CSGALNACT1: variants seen among roughly 807,000 people sequenced by gnomAD.
CSGALNACT1 encodes the protein beta4GalNAcT-1.
Under a neutral mutation model 51.0 loss-of-function variants are expected in CSGALNACT1, and 52 were observed. The observed-to-expected ratio is 1.02, with a 90% CI of 0.82 to 1.29. The LOEUF is 1.29. CSGALNACT1 is among the 50% of genes most tolerant of loss of function. CSGALNACT1 has a pLI of 0.00. For synonymous variants in CSGALNACT1, 341 were observed against 254.4 expected (o/e 1.34, Z -3.24); for missense variants, 935 against 679.2 (o/e 1.38, Z -4.19).
intron 2 of CSGALNACT1, among the ~76,000 whole-genome samples, chr8:19,600,811 G>C (rs2050245064): frequency 6.7e-6 from 1 of 149,510 alleles, no homozygotes; most frequent in African/African-American, 2.5e-5. Flanking sequence ...TATCTTAATA[G>C]TGTGACAAAA....
intron 1 of CSGALNACT1, among the ~76,000 whole-genome samples, chr8:19,726,351 G>C (rs13264159): frequency 0.15 from 23,352 of 151,988 alleles, 2,026 homozygotes; most frequent in Middle Eastern, 0.29. Context: ...GATAAATACA[G>C]AACATTCATA....
chr8:19,407,646 G>A (rs1350751110), intron 9 of CSGALNACT1, among the ~76,000 whole-genome samples: 5 of 152,116 alleles, frequency 3.3e-5, no homozygotes, highest in Non-Finnish European at 7.3e-5. Flanking sequence ...CTTTCCCTTT[G>A]ACATGCTTGG....
At chr8:19,577,017 C>CA (rs759404977) in intron 3 of CSGALNACT1, among the ~76,000 whole-genome samples, 50 of 152,086 alleles carry the variant, frequency 3.3e-4, no homozygotes, top group Non-Finnish European at 6.3e-4. Flanking sequence ...ACACCCACCT[C>CA]AAAAGCATGG....
intron 4 of CSGALNACT1, among the ~76,000 whole-genome samples, chr8:19,487,803 A>T: frequency 6.6e-6 from 1 of 152,134 alleles, no homozygotes; most frequent in Non-Finnish European, 1.5e-5. Context: ...GGTATCATGA[A>T]ATCATTGAGC....
upstream of CSGALNACT1, among the ~76,000 whole-genome samples, chr8:19,685,639 G>T (rs1007347468): frequency 4.6e-5 from 7 of 152,194 alleles, no homozygotes; most frequent in African/African-American, 1.4e-4. Flanking sequence ...ATATGATTTT[G>T]AGAGCTGGGT....
chr8:19,636,515 G>C (rs1008060693), intron 1 of CSGALNACT1, among the ~76,000 whole-genome samples: 1 of 152,094 alleles, frequency 6.6e-6, no homozygotes, highest in Non-Finnish European at 1.5e-5. Context: ...CATAGAAAAT[G>C]GTGGACAGTT....
chr8:19,513,296 A>C (rs539680252), intron 3 of CSGALNACT1, among the ~76,000 whole-genome samples: 1 of 151,954 alleles, frequency 6.6e-6, no homozygotes, highest in South Asian at 2.1e-4. Flanking sequence ...CTTAAGATCA[A>C]AGGAAAATAC....
At chr8:19,632,216 G>A (rs931385773) in intron 1 of CSGALNACT1, among the ~76,000 whole-genome samples, 1 of 152,154 alleles carries the variant, frequency 6.6e-6, no homozygotes, top group African/African-American at 2.4e-5. Context: ...TTTATGATGT[G>A]GTAACTTTAC....
intron 1 of CSGALNACT1, among the ~76,000 whole-genome samples, chr8:19,668,523 A>T (rs2154196353): frequency 6.6e-6 from 1 of 152,310 alleles, no homozygotes; most frequent in Non-Finnish European, 1.5e-5. Flanking sequence ...AAACCCAAAG[A>T]TTCCTAGCTG....
intron 3 of CSGALNACT1, among the ~76,000 whole-genome samples, chr8:19,541,644 C>A (rs1176462074): frequency 1.4e-5 from 2 of 145,504 alleles, no homozygotes; most frequent in African/African-American, 5.2e-5. Context: ...AGGTGATGCA[C>A]CCTGTGTTGG....
At chr8:19,414,293 C>T (rs113028659) in intron 8 of CSGALNACT1, among the ~76,000 whole-genome samples, 152 of 152,166 alleles carry the variant, frequency 1.0e-3, no homozygotes, top group Non-Finnish European at 1.6e-3. Flanking sequence ...AACAAAAAAC[C>T]GGAGTCTAGG....
At chr8:19,436,892 C>G (rs1484388886) in intron 6 of CSGALNACT1, among the ~76,000 whole-genome samples, 1 of 152,202 alleles carries the variant, frequency 6.6e-6, no homozygotes, top group African/African-American at 2.4e-5. Flanking sequence ...GTCTGGGCGA[C>G]AGAGCAAGAC....
intron 3 of CSGALNACT1, among the ~76,000 whole-genome samples, chr8:19,515,934 A>G (rs763466323): frequency 2.6e-5 from 4 of 152,150 alleles, no homozygotes; most frequent in Non-Finnish European, 4.4e-5. Context: ...GATGCTACTC[A>G]AGCCAGGTGT....
At chr8:19,702,625 G>A (rs966363020) in intron 1 of CSGALNACT1, among the ~76,000 whole-genome samples, 2 of 151,962 alleles carry the variant, frequency 1.3e-5, no homozygotes, top group African/African-American at 4.8e-5. Flanking sequence ...GCCAAACTAA[G>A]CACTGGTTGT....
intron 3 of CSGALNACT1, among the ~76,000 whole-genome samples, chr8:19,530,157 G>T (rs952151052): frequency 6.6e-6 from 1 of 152,092 alleles, no homozygotes; most frequent in African/African-American, 2.4e-5. Context: ...GGAGGCAGAG[G>T]TTGCAGTGAG....
At chr8:19,620,391 T>C (rs2053664736) in intron 1 of CSGALNACT1, among the ~76,000 whole-genome samples, 1 of 149,024 alleles carries the variant, frequency 6.7e-6, no homozygotes, top group Non-Finnish European at 1.5e-5. Flanking sequence ...AACACTATCA[T>C]CATTCAGTAC....
intron 2 of CSGALNACT1, among the ~76,000 whole-genome samples, chr8:19,599,838 G>A (rs2050013345): frequency 6.6e-6 from 1 of 152,172 alleles, no homozygotes; most frequent in Non-Finnish European, 1.5e-5. Context: ...AAACCAACGT[G>A]CACATTGAGA....
intron 1 of CSGALNACT1, among the ~76,000 whole-genome samples, chr8:19,624,613 C>A (rs954434868): frequency 6.6e-6 from 1 of 151,898 alleles, no homozygotes; most frequent in Non-Finnish European, 1.5e-5. Flanking sequence ...TTGGAGTCTC[C>A]CCCAAATGGT....
intron 1 of CSGALNACT1, among the ~76,000 whole-genome samples, chr8:19,643,409 G>C (rs551580238): frequency 9.8e-5 from 15 of 152,286 alleles, no homozygotes; most frequent in African/African-American, 3.6e-4. Context: ...GGCCAAGGCA[G>C]TAGGATGACT....
Sources: gnomAD v4.1 joint callset for allele counts (sites outside exome capture counted in the v4.1 genomes callset) on GRCh38, gnomAD v4.1.1 for gene constraint, MANE v1.5 for transcripts, NCBI Gene and HGNC (gene_info 2026-07-23, HGNC 2026-07-21) for gene names.